RHOT1: variants seen among roughly 807,000 people sequenced by gnomAD.
The protein encoded by RHOT1 is ras homolog family member T1, also known as mitochondrial Rho GTPase 1.
In RHOT1, 27 loss-of-function variants were observed where a neutral mutation model predicts 95.3. The observed-to-expected ratio is 0.28, with a 90% confidence interval of 0.21 to 0.39. RHOT1 has a LOEUF of 0.39. Among genes scored for constraint, RHOT1 ranks in the 10% least tolerant of loss-of-function variants. The probability of loss-of-function intolerance (pLI) is 1.00; values close to 1 mark genes in which losing one functional copy is unlikely to be tolerated. For synonymous variants in RHOT1, 227 were observed against 263.5 expected (o/e 0.86, Z 1.34); for missense variants, 578 against 786.7 (o/e 0.73, Z 3.17).
At chr17:32,174,703 C>G (rs533460607) in intron 3 of RHOT1, among the ~76,000 whole-genome samples, 1 of 152,304 alleles carries the variant, frequency 6.6e-6, no homozygotes, top group South Asian at 2.1e-4. Context: ...CTAAGGTGGT[C>G]TAAATCAGTA....
chr17:32,205,324 C>T (rs1213646455), intron 16 of RHOT1, among the ~76,000 whole-genome samples: 2 of 152,092 alleles, frequency 1.3e-5, no homozygotes, highest in East Asian at 1.9e-4. Flanking sequence ...CCAGTTTCAT[C>T]CATGTCCCTG....
At position 32,145,304 on chromosome 17, in the gene RHOT1, A is replaced by AAT. The variant is rs142950840; in HGVS notation, c.37+2588_37+2589dup. ...GACAGAGTGAGACTCTGTCTCAAAA[A>AAT]ATATATATATATATTGATAATAGTA... On this transcript the variant is annotated intron_variant, in intron 1 of 19. Transcript: ENST00000545287. Among the ~76,000 whole-genome samples the AAT allele has an allele frequency of 3.0e-4, 45 of 151,756 alleles. No homozygotes were observed. The East Asian group carries it at 3.5e-3, about 12-fold the overall frequency.
intron 15 of RHOT1, 34 bp from the exon 16 acceptor site, chr17:32,203,856 C>G: frequency 6.8e-7 from 1 of 1,470,154 alleles, no homozygotes; most frequent in Non-Finnish European, 9.5e-7. Flanking sequence ...AAACTAGTTA[C>G]TGCAGATATT....
chr17:32,187,962 G>A (rs1465693743), intron 8 of RHOT1, among the ~76,000 whole-genome samples: 3 of 152,184 alleles, frequency 2.0e-5, no homozygotes, highest in African/African-American at 7.2e-5. Flanking sequence ...TAAAAATAAA[G>A]TTTGATTGTA....
chr17:32,169,054 C>T (rs557623226), intron 1 of RHOT1, among the ~76,000 whole-genome samples: 1 of 152,174 alleles, frequency 6.6e-6, no homozygotes, highest in African/African-American at 2.4e-5. Context: ...CTCGAAGACA[C>T]CTGTTAAATC....
intron 1 of RHOT1, among the ~76,000 whole-genome samples, chr17:32,156,344 G>T (rs896957838): frequency 6.6e-6 from 1 of 152,154 alleles, no homozygotes; most frequent in Non-Finnish European, 1.5e-5. Flanking sequence ...ATGGCTCACT[G>T]CAGCCTCAAC....
intron 1 of RHOT1, among the ~76,000 whole-genome samples, chr17:32,164,940 C>G (rs2033906499): frequency 6.6e-6 from 1 of 151,790 alleles, no homozygotes; most frequent in Non-Finnish European, 1.5e-5. Flanking sequence ...AGGTGGATCA[C>G]TTCAGGCCAG....
At chr17:32,147,787 C>T (rs921537567) in intron 1 of RHOT1, among the ~76,000 whole-genome samples, 1 of 150,880 alleles carries the variant, frequency 6.6e-6, no homozygotes, top group Non-Finnish European at 1.5e-5. Flanking sequence ...GCACTGCACT[C>T]CAGCCTGGGC....
chr17:32,180,546 A>G (rs199581035), intron 6 of RHOT1, among the ~76,000 whole-genome samples: 1 of 151,812 alleles, frequency 6.6e-6, no homozygotes, highest in African/African-American at 2.4e-5. Flanking sequence ...CTTTGTTCAC[A>G]TGTTTATCTG....
At chr17:32,150,406 G>A in intron 1 of RHOT1, 3 of 503,992 alleles carry the variant, frequency 6.0e-6, no homozygotes, top group Non-Finnish European at 1.0e-5. Context: ...TTTCTAAATG[G>A]TCCATATTTA....
rs2037138976 is a variant in RHOT1 at position 32,199,304 on chromosome 17, A to AT, written c.955-101_955-100insT. On this transcript the variant is annotated intron_variant, in intron 12 of 19. Coordinates refer to ENST00000545287, the MANE Select transcript of RHOT1 (RefSeq NM_001033566.3). ...AATGTAAAATTTGTTGTCATTTATT[A>AT]AGTAGTTTTAAAAAGCATAGCTTTA... 2.7e-6 allele frequency: 3 copies of AT among 1,097,048 alleles called. No individual in the cohort carries two copies. The African/African-American group carries it at 5.0e-5, about 18-fold the overall frequency. 68.0% of individuals were successfully genotyped at this position (1,097,048 alleles called of 1,614,324 possible). A position where few individuals can be genotyped will look rare whatever the true frequency, so the allele number is the denominator to read the frequency against.
intron 8 of RHOT1, among the ~76,000 whole-genome samples, chr17:32,188,478 G>A (rs1274036603): frequency 3.9e-5 from 6 of 152,204 alleles, no homozygotes; most frequent in African/African-American, 1.2e-4. Flanking sequence ...TTGTGGATAT[G>A]TACCAGTATT....
chr17:32,172,242 TAGAC>T (rs1433360648), intron 2 of RHOT1, among the ~76,000 whole-genome samples: 1 of 152,214 alleles, frequency 6.6e-6, no homozygotes, highest in African/African-American at 2.4e-5. Flanking sequence ...TTTTTTCTCT[TAGAC>T]AAGATGGTTA....
chr17:32,165,659 T>C (rs1185780930), intron 1 of RHOT1, among the ~76,000 whole-genome samples: 1 of 152,230 alleles, frequency 6.6e-6, no homozygotes, highest in African/African-American at 2.4e-5. Flanking sequence ...AATGGGATCA[T>C]ATTGCACATG....
intron 19 of RHOT1, among the ~76,000 whole-genome samples, chr17:32,221,446 G>A (rs534551206): frequency 6.6e-6 from 1 of 151,834 alleles, no homozygotes; most frequent in East Asian, 1.9e-4. Flanking sequence ...TTTGAAAACT[G>A]AAAGGACAAA....
intron 1 of RHOT1, among the ~76,000 whole-genome samples, chr17:32,148,611 G>T (rs939158808): frequency 2.0e-5 from 3 of 152,154 alleles, no homozygotes; most frequent in Non-Finnish European, 4.4e-5. Context: ...TAGCTATTTC[G>T]CCAAATGCTA....
chr17:32,198,635 GGAGGTCGA>G (rs1459419514), intron 11 of RHOT1, among the ~76,000 whole-genome samples: 1 of 152,204 alleles, frequency 6.6e-6, no homozygotes. Context: ...ATTGAGCCCA[GGAGGTCGA>G]GACTGCAGTG....
rs2142672183 is a variant in RHOT1 at position 32,183,227 on chromosome 17, T to C, written c.495T>C (p.Ala165=). 2 of 1,555,042 alleles carry C rather than the reference T, an allele frequency of 1.3e-6. No individual in the cohort carries two copies. Among genetic ancestry groups the C allele is most frequent in the South Asian group, 2.5e-5 (2 of 81,462 alleles). Residue 165 remains alanine, a synonymous_variant, in exon 8 of 20, where the codon GCT becomes GCC. Transcript: ENST00000545287. ...AGCTCTTTTATTACGCACAGAAAGCTGTTCTTCATCCTACAGGGCCCCTGT... is the reference window on the plus strand; with the variant it reads ...AGCTCTTTTATTACGCACAGAAAGCCGTTCTTCATCCTACAGGGCCCCTGT... The part of the protein sequence containing the change: ...ISELFYYAQK[A]VLHPTGPLYC...
rs952841471 is a variant in RHOT1 at position 32,199,559 on chromosome 17, A to T, written c.1100+9A>T. 6.9e-6 allele frequency: 11 copies of T among 1,585,784 alleles called. No homozygotes were observed. The highest frequency in any genetic ancestry group is 9.4e-6 in the Non-Finnish European group (11 of 1,171,312). On this transcript the variant is annotated intron_variant, in intron 13 of 19. Coordinates refer to ENST00000545287, the MANE Select transcript of RHOT1 (RefSeq NM_001033566.3). ...TTCCTTTCCCAGTGGACGTGAGTAT[A>T]GAGCTCACCTCTTTCCTCTAGAGTT...
Sources: gnomAD v4.1 joint callset for allele counts (sites outside exome capture counted in the v4.1 genomes callset) on GRCh38, gnomAD v4.1.1 for gene constraint, MANE v1.5 for transcripts, NCBI Gene and HGNC (gene_info 2026-07-23, HGNC 2026-07-21) for gene names.